Variants in MIPEP observed in about 807,000 individuals in gnomAD.
MIPEP encodes the protein mitochondrial intermediate peptidase.
MIPEP carries 79 observed loss-of-function variants against 90.3 expected under a neutral mutation model. The ratio of observed to expected loss-of-function variants is 0.87; its 90% CI spans 0.73 to 1.05. The LOEUF (loss-of-function observed/expected upper bound fraction) is 1.05. Ranked by LOEUF, MIPEP falls within the 50% of genes least tolerant of loss-of-function variation. The probability of loss-of-function intolerance (pLI) is 0.00; values close to 1 mark genes in which losing one functional copy is unlikely to be tolerated. For missense variants in MIPEP, 940 were observed against 905.6 expected, an observed-to-expected ratio of 1.04 and a Z score of -0.49; for synonymous variants, 334 against 315.8, an observed-to-expected ratio of 1.06 and a Z score of -0.61.
chr13:23,844,880 T>C (rs1167127590), intron 10 of MIPEP, among the ~76,000 whole-genome samples: 2 of 152,196 alleles, frequency 1.3e-5, no homozygotes, highest in Non-Finnish European at 2.9e-5. Context: ...AATATTACCC[T>C]AAAATGATTG....
chr13:23,768,078 CTCTT>C (rs1952610286), intron 16 of MIPEP, among the ~76,000 whole-genome samples: 1 of 152,212 alleles, frequency 6.6e-6, no homozygotes, highest in East Asian at 1.9e-4. Flanking sequence ...CCTCCTTGTC[CTCTT>C]TCTCCTTTCC....
intron 16 of MIPEP, among the ~76,000 whole-genome samples, chr13:23,769,680 C>A (rs1565987337): frequency 6.6e-6 from 1 of 152,178 alleles, no homozygotes; most frequent in African/African-American, 2.4e-5. Flanking sequence ...AGGCAGCCAG[C>A]ACCTCTACCC....
intron 14 of MIPEP, among the ~76,000 whole-genome samples, chr13:23,825,412 T>C (rs1953355539): frequency 6.6e-6 from 1 of 152,196 alleles, no homozygotes; most frequent in South Asian, 2.1e-4. Context: ...TAAGCAATTT[T>C]AGCCTTGGGC....
intron 5 of MIPEP, 127 bp from the exon 6 acceptor site, chr13:23,870,322 GT>G: frequency 2.7e-6 from 1 of 368,702 alleles, no homozygotes. Context: ...TAAAATATTA[GT>G]TTAGTAAAAT....
intron 13 of MIPEP, 139 bp downstream of exon 13, chr13:23,837,413 G>C (rs1300650893): frequency 2.2e-5 from 14 of 645,624 alleles, no homozygotes; most frequent in Non-Finnish European, 3.8e-5. Flanking sequence ...GGGGAGGGCA[G>C]GATGAGGCAA....
chr13:23,730,558 T>G, intron 18 of MIPEP, 113 bp from the exon 19 acceptor site: 1 of 702,906 alleles, frequency 1.4e-6, no homozygotes, highest in Non-Finnish European at 2.6e-6. Flanking sequence ...GAATTAAGAC[T>G]CTGGCTGTAT....
At position 23,769,899 on chromosome 13, in the gene MIPEP, T is replaced by C. The variant is rs1952631242; in HGVS notation, c.1849-9682A>G. Among the ~76,000 whole-genome samples the C allele has an allele frequency of 2.0e-5, 3 of 152,030 alleles. No homozygotes were observed. The South Asian group carries it at 6.2e-4, about 32-fold the overall frequency. On this transcript the variant is annotated intron_variant, in intron 16 of 18. Transcript: ENST00000382172. ...CATGGGAGTGGGACTGGTGGCTTTA[T>C]AAGAAGAGGAAGAGAGACCTGAGCT...
At chr13:23,868,272 T>G (rs1445473549) in intron 7 of MIPEP, among the ~76,000 whole-genome samples, 1 of 152,026 alleles carries the variant, frequency 6.6e-6, no homozygotes, top group Non-Finnish European at 1.5e-5. Context: ...CTGCTCTCCA[T>G]AGGAGAGTGA....
chr13:23,888,565 T>C, intron 1 of MIPEP: 1 of 320,134 alleles, frequency 3.1e-6, no homozygotes, highest in Non-Finnish European at 4.5e-6. Flanking sequence ...TCCATGGCAC[T>C]ATGGGAAGTG....
At chr13:23,815,219 T>C (rs149495925) in intron 14 of MIPEP, among the ~76,000 whole-genome samples, 14 of 152,380 alleles carry the variant, frequency 9.2e-5, no homozygotes, top group African/African-American at 3.1e-4. Flanking sequence ...TTCAGATCTA[T>C]ACATTCTTAG....
intron 10 of MIPEP, among the ~76,000 whole-genome samples, chr13:23,851,261 G>A (rs1297561543): frequency 1.3e-5 from 2 of 152,150 alleles, no homozygotes; most frequent in Non-Finnish European, 2.9e-5. Context: ...GCTCCTAAAA[G>A]ACTGACTTTT....
At chr13:23,823,478 G>T (rs1406028185) in intron 14 of MIPEP, among the ~76,000 whole-genome samples, 1 of 152,180 alleles carries the variant, frequency 6.6e-6, no homozygotes, top group Non-Finnish European at 1.5e-5. Flanking sequence ...GGGCATGACA[G>T]TCCTACGTTA....
chr13:23,774,863 C>T (rs1332778975), intron 16 of MIPEP, among the ~76,000 whole-genome samples: 7 of 135,274 alleles, frequency 5.2e-5, no homozygotes, highest in South Asian at 4.6e-4. Context: ...GGGATGAGCT[C>T]GGCTCACTGC....
chr13:23,883,408 C>A (rs1871345451), intron 2 of MIPEP, among the ~76,000 whole-genome samples: 1 of 152,144 alleles, frequency 6.6e-6, no homozygotes, highest in African/African-American at 2.4e-5. Flanking sequence ...TTTGTGACAG[C>A]CACGCCAAGT....
intron 18 of MIPEP, among the ~76,000 whole-genome samples, chr13:23,743,851 A>C (rs1361337625): frequency 3.3e-5 from 5 of 152,230 alleles, no homozygotes; most frequent in Non-Finnish European, 7.3e-5. Context: ...CTTAGCCTTG[A>C]GAACGCAGGT....
At chr13:23,797,152 C>T (rs1593159458) in intron 16 of MIPEP, among the ~76,000 whole-genome samples, 1 of 152,158 alleles carries the variant, frequency 6.6e-6, no homozygotes, top group African/African-American at 2.4e-5. Context: ...CACTGGCTGA[C>T]CCAGTCTGTG....
At chr13:23,744,098 A>G (rs1048370917) in intron 18 of MIPEP, among the ~76,000 whole-genome samples, 7 of 152,232 alleles carry the variant, frequency 4.6e-5, no homozygotes, top group Non-Finnish European at 1.0e-4. Context: ...CTTTCTGCCA[A>G]TGAACATCCT....
At chr13:23,811,789 AG>A (rs1391383689) in intron 14 of MIPEP, among the ~76,000 whole-genome samples, 3 of 152,182 alleles carry the variant, frequency 2.0e-5, no homozygotes, top group African/African-American at 7.2e-5. Flanking sequence ...TCAGCTGTGC[AG>A]TTTAGACACT....
At position 23,886,311 on chromosome 13, in the gene MIPEP, A is replaced by G. The variant is rs1041089208; in HGVS notation, c.363+22T>C. 8.3e-6 allele frequency: 12 copies of G among 1,442,736 alleles called. No individual in the cohort carries two copies. In the African/African-American group the frequency reaches 1.7e-4, roughly 21 times the overall value. The allele number at this position is 1,442,736 out of a possible 1,614,324, so 89.4% of individuals were successfully genotyped here. A position where few individuals can be genotyped will look rare whatever the true frequency, so the allele number is the denominator to read the frequency against. ...ACAAGTTGAAAGAGAGGTAGCTTCA[A>G]GTCTGAGGTAAAGCACCTTACCAAG... is the stretch of plus-strand genomic sequence containing the variant. On this transcript the variant is annotated intron_variant, in intron 2 of 18. Transcript: ENST00000382172.
Sources: allele counts gnomAD v4.1 joint callset (sites outside exome capture counted in the v4.1 genomes callset), GRCh38; gene constraint gnomAD v4.1.1; transcripts MANE v1.5; gene names NCBI Gene and HGNC (gene_info 2026-07-23, HGNC 2026-07-21).